The following ALDH1A2 variants were observed in gnomAD, a reference collection of about 807,000 sequenced individuals.
ALDH1A2 encodes the protein retinal dehydrogenase 2.
A neutral mutation model predicts 60.3 loss-of-function variants in ALDH1A2; 27 were observed. The observed-to-expected ratio is 0.45, with a 90% CI of 0.33 to 0.62. ALDH1A2 has a LOEUF of 0.62. Among genes scored for constraint, ALDH1A2 ranks in the 20% least tolerant of loss-of-function variants. ALDH1A2 has a pLI of 0.02. For synonymous variants in ALDH1A2, 289 were observed against 232.4 expected (o/e 1.24, Z -2.21); for missense variants, 581 against 643.8 (o/e 0.90, Z 1.06).
At chr15:58,059,754 G>C (rs1896974671) in intron 1 of ALDH1A2, among the ~76,000 whole-genome samples, 1 of 152,020 alleles carries the variant, frequency 6.6e-6, no homozygotes, top group Non-Finnish European at 1.5e-5. Context: ...ACAAGACCTT[G>C]GTGGAAAACC....
At chr15:57,986,809 A>G in intron 7 of ALDH1A2, among the ~76,000 whole-genome samples, 1 of 152,012 alleles carries the variant, frequency 6.6e-6, no homozygotes, top group East Asian at 1.9e-4. Context: ...AGTAGCTGAG[A>G]CTACAGGTGT....
intron 1 of ALDH1A2, among the ~76,000 whole-genome samples, chr15:58,020,979 T>C (rs1895911410): frequency 6.6e-6 from 1 of 152,212 alleles, no homozygotes; most frequent in South Asian, 2.1e-4. Context: ...CATTTATCAA[T>C]ATGAAGTGAT....
Position 58,024,093 on chromosome 15 carries a change from CA to C in ALDH1A2, c.118-9813del, listed in dbSNP as rs571159342. Among the ~76,000 whole-genome samples the C allele has an allele frequency of 6.3e-3, 956 of 151,322 alleles. 13 individuals carry two copies. The highest frequency in any genetic ancestry group is 0.022 in the African/African-American group (905 of 41,222). ...GGGCAACAAAAGCAAAATTCCATCT[CA>C]AAAAAAATGCTCAAAATATTAACTC... On this transcript the variant is annotated intron_variant, in intron 1 of 12. Transcript: ENST00000249750.
chr15:57,982,619 A>ATAAT (rs1894553832), intron 7 of ALDH1A2, among the ~76,000 whole-genome samples: 1 of 152,218 alleles, frequency 6.6e-6, no homozygotes, highest in Admixed American at 6.5e-5. Context: ...GTCTTTGTTG[A>ATAAT]TAATTAGCTT....
chr15:57,983,055 A>T (rs1475763740), intron 7 of ALDH1A2, among the ~76,000 whole-genome samples: 1 of 152,186 alleles, frequency 6.6e-6, no homozygotes, highest in Non-Finnish European at 1.5e-5. Flanking sequence ...CCTATTAAAG[A>T]GACTTCTAAG....
At chr15:58,003,664 T>C (rs1384765278) in intron 4 of ALDH1A2, among the ~76,000 whole-genome samples, 2 of 151,832 alleles carry the variant, frequency 1.3e-5, no homozygotes, top group Non-Finnish European at 2.9e-5. Flanking sequence ...CCTAAGTAAA[T>C]GAAAACCAAG....
rs754302993 is a variant in ALDH1A2 at position 58,065,675 on chromosome 15, CCGCGGCGTGGGGCAGTGCGGGCTGTGCG to C, written c.-53_-26del. 6.5e-7 allele frequency: 1 copy of C among 1,533,868 alleles called. No homozygotes were observed. The highest frequency in any genetic ancestry group is 1.2e-5 in the South Asian group (1 of 81,946). On this transcript the variant is annotated 5_prime_UTR_variant, in exon 1 of 13. Transcript: ENST00000249750. ...TGGTGGCGGGCCGGGTGTCCCTAGC[CCGCGGCGTGGGGCAGTGCGGGCTGTGCG>C]CGCGGTCCGCGGCCCGGGGGCGCGC...
chr15:58,052,136 G>C (rs1368802919), intron 1 of ALDH1A2, among the ~76,000 whole-genome samples: 1 of 152,062 alleles, frequency 6.6e-6, no homozygotes, highest in African/African-American at 2.4e-5. Flanking sequence ...TATATAACGA[G>C]AATCATTAAC....
chr15:58,021,927 T>C (rs1040699207), intron 1 of ALDH1A2, among the ~76,000 whole-genome samples: 7 of 152,162 alleles, frequency 4.6e-5, no homozygotes, highest in Non-Finnish European at 1.0e-4. Flanking sequence ...GCGGATGAGT[T>C]AGGTGCAGGC....
At chr15:58,031,967 A>G (rs1318265083) in intron 1 of ALDH1A2, among the ~76,000 whole-genome samples, 1 of 152,348 alleles carries the variant, frequency 6.6e-6, no homozygotes, top group East Asian at 1.9e-4. Context: ...GGGATCTAGA[A>G]CTAGAAATAC....
Position 58,014,539 on chromosome 15 carries a change from G to A in ALDH1A2, c.118-258C>T, listed in dbSNP as rs1279633573. On this transcript the variant is annotated intron_variant, in intron 1 of 12. Transcript: ENST00000249750. ...TCAACTAACTAAAGATACAAATAAG[G>A]ATAGAGTGTCTCACATACATACAAT... is the stretch of plus-strand genomic sequence containing the variant. 1.3e-5 allele frequency: 7 copies of A among 525,640 alleles called. No homozygotes were observed. The East Asian group carries it at 3.4e-4, about 25-fold the overall frequency. 32.6% of individuals were successfully genotyped at this position (525,640 alleles called of 1,614,324 possible). A position where few individuals can be genotyped will look rare whatever the true frequency, so the allele number is the denominator to read the frequency against.
At chr15:58,006,859 TAAAAAAAA>T (rs35453203) in intron 4 of ALDH1A2, among the ~76,000 whole-genome samples, 1 of 139,874 alleles carries the variant, frequency 7.1e-6, no homozygotes, top group African/African-American at 2.7e-5. Context: ...CTCATATTGT[TAAAAAAAA>T]AAAAAAAAAG....
intron 4 of ALDH1A2, among the ~76,000 whole-genome samples, chr15:58,004,451 A>C (rs1895380148): frequency 6.6e-6 from 1 of 151,758 alleles, no homozygotes; most frequent in East Asian, 2.0e-4. Flanking sequence ...CCCAACAGGT[A>C]GTTTTCAATC....
intron 4 of ALDH1A2, among the ~76,000 whole-genome samples, chr15:58,001,715 T>TAA (rs549295687): frequency 8.6e-4 from 131 of 152,070 alleles, no homozygotes; most frequent in African/African-American, 2.9e-3. Context: ...CTTTGTGCTG[T>TAA]AAGCTCAACA....
At chr15:58,022,672 G>T (rs1357044889) in intron 1 of ALDH1A2, among the ~76,000 whole-genome samples, 2 of 152,136 alleles carry the variant, frequency 1.3e-5, no homozygotes, top group African/African-American at 4.8e-5. Flanking sequence ...TGGCATCCCA[G>T]TCCTCAGCAC....
chr15:57,996,059 C>T (rs1895050983), intron 4 of ALDH1A2, among the ~76,000 whole-genome samples: 1 of 152,052 alleles, frequency 6.6e-6, no homozygotes, highest in Admixed American at 6.6e-5. Flanking sequence ...TGTTTTCTCT[C>T]TCAAAAGCAG....
intron 7 of ALDH1A2, among the ~76,000 whole-genome samples, chr15:57,975,964 TTAAA>T (rs542115949): frequency 1.1e-3 from 164 of 152,248 alleles, no homozygotes; most frequent in Non-Finnish European, 1.7e-3. Flanking sequence ...ATTGTACACT[TTAAA>T]TAAGTGAAAT....
intron 7 of ALDH1A2, chr15:57,979,917 G>A (rs1234990129): frequency 1.7e-5 from 6 of 360,492 alleles, no homozygotes; most frequent in Non-Finnish European, 2.8e-5. Context: ...GGGACATGGA[G>A]GAATTACCAC....
intron 1 of ALDH1A2, among the ~76,000 whole-genome samples, chr15:58,015,150 C>T (rs10162799): frequency 0.011 from 1,745 of 152,280 alleles, 29 homozygotes; most frequent in African/African-American, 0.04. Context: ...ATGTTTTACT[C>T]TATAAAATTT....
Sources: gnomAD v4.1 joint callset for allele counts (sites outside exome capture counted in the v4.1 genomes callset) on GRCh38, gnomAD v4.1.1 for gene constraint, MANE v1.5 for transcripts, NCBI Gene and HGNC (gene_info 2026-07-23, HGNC 2026-07-21) for gene names.